OPCML: variants seen among roughly 807,000 people sequenced by gnomAD.
OPCML encodes opioid-binding protein/cell adhesion molecule.
A neutral mutation model predicts 37.8 loss-of-function variants in OPCML; 13 were observed. The ratio of observed to expected loss-of-function variants is 0.34; its 90% CI spans 0.22 to 0.55. The LOEUF (loss-of-function observed/expected upper bound fraction) is 0.55, where lower values mean the gene tolerates loss of function less well. OPCML is among the 20% of genes least tolerant of loss of function. The pLI is 0.91. For missense variants in OPCML, 341 were observed against 435.6 expected (o/e 0.78, Z 1.93); for synonymous variants, 176 against 168.8 (o/e 1.04, Z -0.33).
chr11:132,708,207 G>A (rs2135940968), intron 2 of OPCML, among the ~76,000 whole-genome samples: 1 of 152,316 alleles, frequency 6.6e-6, no homozygotes, highest in South Asian at 2.1e-4. Context: ...TGGATAGACT[G>A]TAAAACTCTA....
chr11:132,437,366 A>G lies in OPCML; in HGVS notation c.506-7T>C. On this transcript the variant is annotated splice_polypyrimidine_tract_variant and splice_region_variant and intron_variant, in intron 4 of 7. Coordinates refer to ENST00000524381, the MANE Select transcript of OPCML (RefSeq NM_001012393.5). ...CTTACAAAGCCCTGGCCTTCTGGGA[A>G]GAAAGAAGCAGACAGGAAACAATCA... is the stretch of plus-strand genomic sequence containing the variant. 6.2e-7 allele frequency: 1 copy of G among 1,613,742 alleles called. No homozygotes were observed. Among genetic ancestry groups the G allele is most frequent in the Non-Finnish European group, 8.5e-7 (1 of 1,179,828 alleles).
intron 1 of OPCML, among the ~76,000 whole-genome samples, chr11:133,278,092 C>T (rs1370919338): frequency 6.6e-6 from 1 of 152,162 alleles, no homozygotes; most frequent in African/African-American, 2.4e-5. Context: ...GTCTGGATAT[C>T]CGTTGTCCCA....
chr11:132,552,761 C>CTTTTTTTTTTTTT (rs2096384944), intron 3 of OPCML, among the ~76,000 whole-genome samples: 1 of 67,476 alleles, frequency 1.5e-5, no homozygotes, highest in Admixed American at 1.5e-4. Flanking sequence ...TTAAACACTA[C>CTTTTTTTTTTTTT]TCTTTTTTTT....
intron 1 of OPCML, among the ~76,000 whole-genome samples, chr11:133,501,236 T>C (rs1401872695): frequency 6.6e-6 from 1 of 152,148 alleles, no homozygotes; most frequent in Non-Finnish European, 1.5e-5. Context: ...CAACGCAAAC[T>C]GTGTGCTCCC....
intron 2 of OPCML, among the ~76,000 whole-genome samples, chr11:132,667,860 G>A (rs777879569): frequency 1.3e-5 from 2 of 152,218 alleles, no homozygotes; most frequent in African/African-American, 2.4e-5. Flanking sequence ...GTAGTTGGTG[G>A]TCAAGAATTT....
At chr11:133,428,542 A>G (rs1946052775) in intron 1 of OPCML, among the ~76,000 whole-genome samples, 1 of 152,244 alleles carries the variant, frequency 6.6e-6, no homozygotes, top group Non-Finnish European at 1.5e-5. Context: ...TAATCTTTTA[A>G]AAATACATAA....
chr11:133,082,970 G>T (rs1350115504), intron 1 of OPCML, among the ~76,000 whole-genome samples: 3 of 151,058 alleles, frequency 2.0e-5, no homozygotes, highest in African/African-American at 4.8e-5. Flanking sequence ...ACCGCACCTC[G>T]TCCGCGCGGC....
chr11:132,968,187 C>G (rs1286691719), intron 1 of OPCML, among the ~76,000 whole-genome samples: 1 of 152,186 alleles, frequency 6.6e-6, no homozygotes, highest in Non-Finnish European at 1.5e-5. Context: ...ACTCCACTTG[C>G]TCATTACTGG....
chr11:133,367,827 C>T (rs949981826), intron 1 of OPCML, among the ~76,000 whole-genome samples: 1 of 152,162 alleles, frequency 6.6e-6, no homozygotes, highest in African/African-American at 2.4e-5. Context: ...ACCTCTGATC[C>T]CATTTAGCAC....
At chr11:133,076,920 T>C (rs1948629573) in intron 1 of OPCML, among the ~76,000 whole-genome samples, 1 of 152,164 alleles carries the variant, frequency 6.6e-6, no homozygotes, top group African/African-American at 2.4e-5. Flanking sequence ...GATTGATTTC[T>C]AGTAGAGCTA....
At chr11:132,453,761 T>C (rs994293880) in intron 4 of OPCML, among the ~76,000 whole-genome samples, 21 of 152,172 alleles carry the variant, frequency 1.4e-4, no homozygotes, top group Non-Finnish European at 2.9e-4. Flanking sequence ...CAAAGAAGCC[T>C]TGAAATGTTC....
At chr11:132,615,814 G>A (rs1938970067) in intron 3 of OPCML, among the ~76,000 whole-genome samples, 1 of 152,046 alleles carries the variant, frequency 6.6e-6, no homozygotes, top group Non-Finnish European at 1.5e-5. Context: ...ATTAGTTTCA[G>A]GAAAAGAACC....
At chr11:132,777,981 G>A (rs1028538284) in intron 2 of OPCML, among the ~76,000 whole-genome samples, 9 of 152,194 alleles carry the variant, frequency 5.9e-5, no homozygotes, top group Non-Finnish European at 1.3e-4. Context: ...ATGGGCAGCA[G>A]TAAATTCCAG....
At position 133,459,969 on chromosome 11, in the gene OPCML, G is replaced by T. The variant is rs185782368; in HGVS notation, c.61+72295C>A. Among the ~76,000 whole-genome samples, 3 of 152,032 alleles carry T rather than the reference G, an allele frequency of 2.0e-5. No individual in the cohort carries two copies. The South Asian group carries it at 6.2e-4, about 32-fold the overall frequency. On this transcript the variant is annotated intron_variant, in intron 1 of 7. Coordinates refer to ENST00000524381, the MANE Select transcript of OPCML (RefSeq NM_001012393.5). ...CTCTTCATGATAACTCATGCATTAGGCAACAGAAAAAGTCTTAATACATTG... is the reference window on the plus strand; with the variant it reads ...CTCTTCATGATAACTCATGCATTAGTCAACAGAAAAAGTCTTAATACATTG...
intron 4 of OPCML, among the ~76,000 whole-genome samples, chr11:132,490,762 G>A (rs2009042): frequency 0.21 from 31,587 of 149,758 alleles, 3,656 homozygotes; most frequent in East Asian, 0.39. Flanking sequence ...AGTGAGCCGA[G>A]ATCGTGCCAC....
intron 2 of OPCML, among the ~76,000 whole-genome samples, chr11:132,800,685 C>A (rs1467754083): frequency 6.6e-6 from 1 of 152,106 alleles, no homozygotes; most frequent in Non-Finnish European, 1.5e-5. Flanking sequence ...TTGTCTATTA[C>A]TCTATTAAAA....
chr11:133,405,117 G>A (rs1412893471), intron 1 of OPCML, among the ~76,000 whole-genome samples: 1 of 152,200 alleles, frequency 6.6e-6, no homozygotes, highest in Non-Finnish European at 1.5e-5. Context: ...AAGGACGCTT[G>A]CTCAAGCAAG....
At chr11:133,244,375 C>G (rs1940843372) in intron 1 of OPCML, among the ~76,000 whole-genome samples, 1 of 152,108 alleles carries the variant, frequency 6.6e-6, no homozygotes, top group Middle Eastern at 3.4e-3. Context: ...CAAGCACCCC[C>G]AAAATGTTAG....
chr11:133,246,749 A>G (rs996673127), intron 1 of OPCML, among the ~76,000 whole-genome samples: 4 of 152,270 alleles, frequency 2.6e-5, no homozygotes, highest in African/African-American at 9.6e-5. Flanking sequence ...TGTGTTATAG[A>G]AAATAGATTG....
Sources: gnomAD v4.1 joint callset for allele counts (sites outside exome capture counted in the v4.1 genomes callset) on GRCh38, gnomAD v4.1.1 for gene constraint, MANE v1.5 for transcripts, NCBI Gene and HGNC (gene_info 2026-07-23, HGNC 2026-07-21) for gene names.